The following PRPS2 variants were observed in gnomAD, a reference collection of about 807,000 sequenced individuals.
The protein encoded by PRPS2 is ribose-phosphate pyrophosphokinase 2.
For synonymous variants in PRPS2, 111 were observed against 115.3 expected, an observed-to-expected ratio of 0.96 and a Z score of 0.24; for missense variants, 104 against 271.5, an observed-to-expected ratio of 0.38 and a Z score of 4.34.
At chrX:12,820,606 T>C (rs1307391010) in intron 5 of PRPS2, 38 bp from the exon 6 acceptor site, 2 of 1,180,131 alleles carry the variant, frequency 1.7e-6, no homozygotes, top group East Asian at 6.0e-5. Context: ...CCAAGAATAT[T>C]TGCATACCCT....
intron 4 of PRPS2, among the ~76,000 whole-genome samples, chrX:12,812,615 A>T (rs1046159383): frequency 2.7e-5 from 3 of 112,096 alleles, no homozygotes; most frequent in Admixed American, 9.4e-5. Flanking sequence ...TGACAGGGCG[A>T]GAGTCCGTCT....
At chrX:12,798,233 A>C (rs1184862735) in intron 1 of PRPS2, among the ~76,000 whole-genome samples, 1 of 112,866 alleles carries the variant, frequency 8.9e-6, no homozygotes, top group African/African-American at 3.2e-5. Flanking sequence ...AGAAAATACA[A>C]GCATTCGTTT....
intron 5 of PRPS2, 36 bp from the exon 6 acceptor site, chrX:12,820,608 G>T (rs779566601): frequency 3.4e-6 from 4 of 1,179,708 alleles, no homozygotes; most frequent in Non-Finnish European, 4.6e-6. Context: ...AAGAATATTT[G>T]CATACCCTTA....
intron 4 of PRPS2, among the ~76,000 whole-genome samples, chrX:12,818,615 G>A (rs1420923524): frequency 3.6e-5 from 4 of 111,293 alleles, no homozygotes; most frequent in African/African-American, 1.3e-4. Flanking sequence ...CATGTACTGC[G>A]TCTTAAGTTG....
At chrX:12,818,650 A>C (rs2042661184) in intron 4 of PRPS2, among the ~76,000 whole-genome samples, 1 of 112,011 alleles carries the variant, frequency 8.9e-6, no homozygotes, top group Non-Finnish European at 1.9e-5. Context: ...TGGTCCCCAA[A>C]GCATTTTTTC....
In PRPS2 at chrX:12,810,083, G is replaced by A. The variant is rs868678701; in HGVS notation, c.467G>A (p.Arg156Gln). 8 of 1,211,600 alleles carry A rather than the reference G, an allele frequency of 6.6e-6. No individual in the cohort carries two copies. The highest frequency in any genetic ancestry group is 4.3e-5 in the Admixed American group (2 of 46,008). The change falls in exon 4 of 7, where the codon CGG (arginine) becomes CAG (glutamine). Residue 156 changes from arginine (R) to glutamine (Q), a missense_variant. Coordinates refer to ENST00000380668, the MANE Select transcript of PRPS2 (RefSeq NM_002765.5). Reference sequence around the variant, plus strand: ...GAGCCCGCAGTCCTGCAGTGGATTCGGGAAAACATTGCCGAGTGGAAGAAC... The same window carrying A: ...GAGCCCGCAGTCCTGCAGTGGATTCAGGAAAACATTGCCGAGTGGAAGAAC... Reference protein sequence around the residue: ...YAEPAVLQWIRENIAEWKNCI... With the variant: ...YAEPAVLQWIQENIAEWKNCI...
chrX:12,814,945 C>G (rs2042640200), intron 4 of PRPS2, among the ~76,000 whole-genome samples: 1 of 111,708 alleles, frequency 9.0e-6, no homozygotes, highest in South Asian at 3.8e-4. Flanking sequence ...CATGCACCCA[C>G]AGAGAAAAGA....
chrX:12,822,488 C>T (rs1251251533), intron 6 of PRPS2, among the ~76,000 whole-genome samples: 1 of 112,469 alleles, frequency 8.9e-6, no homozygotes, highest in Non-Finnish European at 1.9e-5. Context: ...GAAAATCTCC[C>T]TTCCAGGATC....
At chrX:12,794,071 C>A (rs1205678789) in intron 1 of PRPS2, among the ~76,000 whole-genome samples, 1 of 112,398 alleles carries the variant, frequency 8.9e-6, no homozygotes, top group Admixed American at 9.4e-5. Flanking sequence ...TATCGGTTAC[C>A]ATGTAATAAA....
chrX:12,822,343 G>A (rs1252480920), intron 6 of PRPS2, among the ~76,000 whole-genome samples: 2 of 112,142 alleles, frequency 1.8e-5, no homozygotes, highest in Non-Finnish European at 3.8e-5. Context: ...CTTAAATGAC[G>A]CAGTCACCGC....
rs958709229 is a variant in PRPS2, at chrX:12,823,674, A to G, written c.*878A>G. On this transcript the variant is annotated 3_prime_UTR_variant, in exon 7 of 7. Coordinates refer to ENST00000380668, the MANE Select transcript of PRPS2 (RefSeq NM_002765.5). Reference sequence around the variant, plus strand: ...TCAGATTTTTAAAAAGGATATAGGAACCTGCATTGTCATTCTCTGAATTAA... The same window carrying G: ...TCAGATTTTTAAAAAGGATATAGGAGCCTGCATTGTCATTCTCTGAATTAA... 4 of 112,226 alleles carry G rather than the reference A, an allele frequency of 3.6e-5. No homozygotes were observed. In the East Asian group the frequency reaches 1.1e-3, roughly 31 times the overall value. The allele number at this position is 112,226 out of a possible 1,213,427, so 9.2% of individuals were successfully genotyped here.
intron 1 of PRPS2, among the ~76,000 whole-genome samples, chrX:12,792,247 C>T (rs1166507537): frequency 8.9e-6 from 1 of 112,471 alleles, no homozygotes; most frequent in Non-Finnish European, 1.9e-5. Context: ...TCCTGAGCAG[C>T]CAGGGCGCAG....
chrX:12,799,686 A>C (rs1196818225), intron 2 of PRPS2, among the ~76,000 whole-genome samples: 2 of 112,135 alleles, frequency 1.8e-5, no homozygotes, highest in African/African-American at 6.5e-5. Context: ...ATACACACAC[A>C]TACATGCACA....
chrX:12,805,787 G>A (rs984633063), intron 2 of PRPS2, among the ~76,000 whole-genome samples: 5 of 111,996 alleles, frequency 4.5e-5, no homozygotes, highest in South Asian at 3.7e-4. Context: ...AAAACAGTAG[G>A]TTGGGCCGGG....
At chrX:12,807,337 C>G (rs1443720683) in intron 2 of PRPS2, among the ~76,000 whole-genome samples, 1 of 112,268 alleles carries the variant, frequency 8.9e-6, no homozygotes, top group East Asian at 2.8e-4. Flanking sequence ...TTTAAAGGCC[C>G]CACTTCTTAA....
intron 2 of PRPS2, among the ~76,000 whole-genome samples, chrX:12,807,294 C>G (rs902408425): frequency 8.9e-6 from 1 of 111,813 alleles, no homozygotes; most frequent in Non-Finnish European, 1.9e-5. Context: ...TAATCCCGCT[C>G]TCAAGGGAGC....
At chrX:12,812,362 C>T (rs955054598) in intron 4 of PRPS2, among the ~76,000 whole-genome samples, 2 of 112,260 alleles carry the variant, frequency 1.8e-5, no homozygotes, top group Admixed American at 1.9e-4. Flanking sequence ...TGTGGTGACT[C>T]ACACTTGTAA....
chrX:12,818,985 G>C (rs1036622424), intron 4 of PRPS2, among the ~76,000 whole-genome samples: 1 of 111,557 alleles, frequency 9.0e-6, no homozygotes, highest in Non-Finnish European at 1.9e-5. Flanking sequence ...ACGATGCCAT[G>C]CCTGGCACCA....
At chrX:12,816,448 G>A (rs762844020) in intron 4 of PRPS2, among the ~76,000 whole-genome samples, 290 of 110,650 alleles carry the variant, frequency 2.6e-3, no homozygotes, top group Non-Finnish European at 4.3e-3. Context: ...AACTAAAGGC[G>A]CATGCCACCA....
Sources: allele counts gnomAD v4.1 joint callset (sites outside exome capture counted in the v4.1 genomes callset), GRCh38; gene constraint gnomAD v4.1.1; transcripts MANE v1.5; gene names NCBI Gene and HGNC (gene_info 2026-07-23, HGNC 2026-07-21).